Variants in ELF1 observed in about 807,000 individuals in gnomAD.
ELF1 encodes E74 like ETS transcription factor 1, also known as ETS-related transcription factor Elf-1.
In ELF1, 24 loss-of-function variants were observed where a neutral mutation model predicts 59.9. The ratio of observed to expected loss-of-function variants is 0.40; its 90% confidence interval spans 0.29 to 0.56. The LOEUF is 0.56. Among genes scored for constraint, ELF1 ranks in the 20% least tolerant of loss-of-function variants. The pLI is 0.44. For synonymous variants in ELF1, 248 were observed against 266.2 expected (o/e 0.93, Z 0.67); for missense variants, 627 against 742.2 (o/e 0.84, Z 1.80).
At chr13:41,041,791 G>A (rs1471855114) in intron 1 of ELF1, among the ~76,000 whole-genome samples, 2 of 152,122 alleles carry the variant, frequency 1.3e-5, no homozygotes, top group Admixed American at 6.5e-5. Context: ...AGATTCAACT[G>A]TAAGTCTTAG....
intron 1 of ELF1, among the ~76,000 whole-genome samples, chr13:41,053,019 G>A (rs947010543): frequency 6.6e-6 from 1 of 152,072 alleles, no homozygotes; most frequent in Admixed American, 6.6e-5. Context: ...TATTGCATTT[G>A]TCACACTACA....
intron 1 of ELF1, among the ~76,000 whole-genome samples, chr13:40,989,725 A>T (rs1459933575): frequency 6.6e-6 from 1 of 152,118 alleles, no homozygotes; most frequent in Admixed American, 6.5e-5. Flanking sequence ...AGACTTCTGA[A>T]TTTTTTTACA....
chr13:41,047,319 G>A (rs185129212), intron 1 of ELF1, among the ~76,000 whole-genome samples: 18 of 152,336 alleles, frequency 1.2e-4, no homozygotes, highest in African/African-American at 3.8e-4. Context: ...CGTTGCTGGC[G>A]AGGAGCTGCA....
chr13:40,933,365 C>G lies in ELF1; in HGVS notation c.*60G>C, dbSNP rs2138096222. ...AGAATTTATCTTAGAATCAGTCAGT[C>G]TGCATATAATTGAAAATGTTCAATT... On this transcript the variant is annotated 3_prime_UTR_variant, in exon 9 of 9. Transcript: ENST00000239882. 5.8e-6 allele frequency: 9 copies of G among 1,542,288 alleles called. No individual in the cohort carries two copies. The East Asian group carries it at 1.1e-4, about 19-fold the overall frequency.
At chr13:40,963,683 C>T (rs1054787503) in intron 2 of ELF1, among the ~76,000 whole-genome samples, 2 of 152,062 alleles carry the variant, frequency 1.3e-5, no homozygotes, top group Non-Finnish European at 2.9e-5. Flanking sequence ...CCGAGGCGGG[C>T]GGATCACGAG....
chr13:41,006,864 A>T (rs901261901), intron 1 of ELF1, among the ~76,000 whole-genome samples: 7 of 152,208 alleles, frequency 4.6e-5, no homozygotes, highest in Admixed American at 2.6e-4. Flanking sequence ...AATTTAGTAC[A>T]TACGTACATT....
intron 1 of ELF1, among the ~76,000 whole-genome samples, chr13:40,993,506 A>G (rs934434183): frequency 2.0e-5 from 3 of 152,054 alleles, no homozygotes; most frequent in Admixed American, 1.3e-4. Context: ...TTTTAGAGAC[A>G]GGGTCTCGTT....
In ELF1 at chr13:40,991,204, T is replaced by A. The variant is rs7994140; in HGVS notation, c.-228-8922A>T. Among the ~76,000 whole-genome samples, 1,293 of 152,102 alleles carry A rather than the reference T, an allele frequency of 8.5e-3. 13 individuals are homozygous for A. The highest frequency in any genetic ancestry group is 0.03 in the African/African-American group (1,226 of 41,462). On this transcript the variant is annotated intron_variant, in intron 1 of 8. Coordinates refer to ENST00000239882, the MANE Select transcript of ELF1 (RefSeq NM_172373.4). The stretch of plus-strand genomic sequence containing the variant: ...CAACTAAGAGAAGCCTAAGGAAACA[T>A]GACAACTAAATGTAATGTGGTGGGA...
upstream of ELF1, among the ~76,000 whole-genome samples, chr13:41,021,652 T>C (rs549531963): frequency 1.3e-5 from 2 of 152,330 alleles, no homozygotes; most frequent in African/African-American, 2.4e-5. Flanking sequence ...TTTAGCCTAA[T>C]AGTATCTACC....
intron 1 of ELF1, among the ~76,000 whole-genome samples, chr13:40,985,356 T>C (rs1166062196): frequency 6.6e-6 from 1 of 152,184 alleles, no homozygotes; most frequent in Admixed American, 6.5e-5. Context: ...AGACTGAAGA[T>C]CTAAATCAAT....
upstream of ELF1, among the ~76,000 whole-genome samples, chr13:41,022,951 GAGGA>G: frequency 6.6e-6 from 1 of 152,168 alleles, no homozygotes; most frequent in South Asian, 2.1e-4. Flanking sequence ...GAAAGGAAGG[GAGGA>G]AGGGAGGAAG....
At chr13:41,002,702 G>C (rs1185339470) in intron 1 of ELF1, among the ~76,000 whole-genome samples, 2 of 151,782 alleles carry the variant, frequency 1.3e-5, no homozygotes, top group Non-Finnish European at 1.5e-5. Context: ...AGACACTTGT[G>C]GGTAAGGGAG....
upstream of ELF1, among the ~76,000 whole-genome samples, chr13:41,023,581 A>G (rs945232731): frequency 2.6e-5 from 4 of 152,270 alleles, no homozygotes; most frequent in African/African-American, 7.2e-5. Context: ...AGAATTGTGT[A>G]GAATTTCTAC....
chr13:40,939,264 G>C (rs1270211149), intron 8 of ELF1, among the ~76,000 whole-genome samples: 1 of 152,182 alleles, frequency 6.6e-6, no homozygotes, highest in Non-Finnish European at 1.5e-5. Context: ...AGTGAGCTAT[G>C]ATGGTGTCAT....
chr13:40,955,292 G>A (rs1198028853), intron 3 of ELF1, among the ~76,000 whole-genome samples: 16 of 143,332 alleles, frequency 1.1e-4, no homozygotes, highest in Middle Eastern at 4.0e-3. Flanking sequence ...TCAGCCCCCC[G>A]CCCGGCCAGC....
chr13:41,024,977 A>C (rs1211185509), intron 1 of ELF1, among the ~76,000 whole-genome samples: 1 of 152,222 alleles, frequency 6.6e-6, no homozygotes, highest in East Asian at 1.9e-4. Flanking sequence ...CTATTAGAGA[A>C]GTCTTCCTAA....
chr13:40,986,376 T>C (rs1873549419), intron 1 of ELF1, among the ~76,000 whole-genome samples: 1 of 151,890 alleles, frequency 6.6e-6, no homozygotes, highest in South Asian at 2.1e-4. Context: ...AAAATGCATG[T>C]GCAGAATACT....
At chr13:41,016,397 T>G (rs1260540086) in intron 1 of ELF1, among the ~76,000 whole-genome samples, 1 of 152,122 alleles carries the variant, frequency 6.6e-6, no homozygotes, top group Non-Finnish European at 1.5e-5. Flanking sequence ...GACAAAAGAT[T>G]TTGTATATAC....
chr13:40,958,783 C>T (rs2138194831), intron 3 of ELF1, 53 bp downstream of exon 3: 6 of 1,537,646 alleles, frequency 3.9e-6, no homozygotes, highest in Admixed American at 4.1e-5. Context: ...AGGATTAGGA[C>T]ACTGCCTAAA....
Sources: gnomAD v4.1 joint callset for allele counts (sites outside exome capture counted in the v4.1 genomes callset) on GRCh38, gnomAD v4.1.1 for gene constraint, MANE v1.5 for transcripts, NCBI Gene and HGNC (gene_info 2026-07-23, HGNC 2026-07-21) for gene names.